RFX3: variants seen among roughly 807,000 people sequenced by gnomAD.
RFX3 encodes regulatory factor X3, also known as transcription factor RFX3.
In RFX3, 14 loss-of-function variants were observed where a neutral mutation model predicts 98.6. The ratio of observed to expected loss-of-function variants is 0.14; its 90% CI spans 0.09 to 0.22. The LOEUF (loss-of-function observed/expected upper bound fraction) is 0.22, where lower values mean the gene tolerates loss of function less well. RFX3 is among the 10% of genes least tolerant of loss of function. The probability of loss-of-function intolerance (pLI) is 1.00; values close to 1 mark genes in which losing one functional copy is unlikely to be tolerated. For missense variants in RFX3, 639 were observed against 926.9 expected (o/e 0.69, Z 4.03); for synonymous variants, 383 against 328.4 (o/e 1.17, Z -1.80).
chr9:3,503,222 C>T (rs1205249329), intron 1 of RFX3, among the ~76,000 whole-genome samples: 2 of 152,034 alleles, frequency 1.3e-5, no homozygotes, highest in Admixed American at 6.6e-5. Flanking sequence ...AATGCCTGGG[C>T]ATATTTGCAA....
chr9:3,472,092 T>C (rs1056020409), intron 1 of RFX3, among the ~76,000 whole-genome samples: 1 of 152,212 alleles, frequency 6.6e-6, no homozygotes, highest in Non-Finnish European at 1.5e-5. Context: ...AAAAATAAAA[T>C]ATAATCTTAG....
chr9:3,242,993 A>T (rs1298923505), intron 15 of RFX3, among the ~76,000 whole-genome samples: 1 of 151,952 alleles, frequency 6.6e-6, no homozygotes, highest in Non-Finnish European at 1.5e-5. Flanking sequence ...TTTATGAAGC[A>T]ATCAAAATTT....
At chr9:3,389,413 A>C (rs1214301689) in intron 2 of RFX3, among the ~76,000 whole-genome samples, 2 of 152,144 alleles carry the variant, frequency 1.3e-5, no homozygotes, top group African/African-American at 4.8e-5. Context: ...TAGGATGGGT[A>C]ATATCAAAAT....
At chr9:3,396,154 A>G (rs1282312376) in intron 1 of RFX3, among the ~76,000 whole-genome samples, 1 of 151,754 alleles carries the variant, frequency 6.6e-6, no homozygotes, top group Non-Finnish European at 1.5e-5. Flanking sequence ...TCGTCATTTA[A>G]CATTAGGTAT....
intron 2 of RFX3, among the ~76,000 whole-genome samples, 173 bp downstream of exon 2, chr9:3,395,299 G>C (rs954709391): frequency 2.0e-5 from 3 of 152,184 alleles, no homozygotes; most frequent in Non-Finnish European, 2.9e-5. Context: ...AGCACAGAAA[G>C]AACCTGGCAC....
chr9:3,459,859 T>C (rs1427620616), intron 1 of RFX3, among the ~76,000 whole-genome samples: 2 of 152,082 alleles, frequency 1.3e-5, no homozygotes, highest in Non-Finnish European at 2.9e-5. Context: ...ATAACTCTAA[T>C]ACAATTTCAT....
intron 2 of RFX3, among the ~76,000 whole-genome samples, chr9:3,352,348 T>C (rs1025715905): frequency 2.0e-5 from 3 of 151,982 alleles, no homozygotes; most frequent in African/African-American, 7.2e-5. Flanking sequence ...CTTCTAAAAA[T>C]GGTAACTCTG....
intron 1 of RFX3, among the ~76,000 whole-genome samples, chr9:3,492,061 A>G (rs922332608): frequency 2.6e-5 from 4 of 152,184 alleles, no homozygotes; most frequent in African/African-American, 9.6e-5. Flanking sequence ...TATTCAAAAT[A>G]TCTACTCTGC....
At chr9:3,363,451 G>A (rs564722415) in intron 2 of RFX3, among the ~76,000 whole-genome samples, 1 of 152,094 alleles carries the variant, frequency 6.6e-6, no homozygotes, top group Non-Finnish European at 1.5e-5. Context: ...ATTTACAGGA[G>A]AGTTAAATAA....
At chr9:3,340,890 C>A (rs1245109778) in intron 3 of RFX3, among the ~76,000 whole-genome samples, 1 of 152,160 alleles carries the variant, frequency 6.6e-6, no homozygotes, top group African/African-American at 2.4e-5. Context: ...TTGACCCAGC[C>A]ATCCCATTAC....
chr9:3,325,463 T>C (rs1018307714), intron 4 of RFX3, among the ~76,000 whole-genome samples: 6 of 152,102 alleles, frequency 3.9e-5, no homozygotes, highest in Admixed American at 6.5e-5. Flanking sequence ...TTTCAAGATA[T>C]TTTTCTTGTG....
At chr9:3,350,107 A>C (rs1834932104) in intron 2 of RFX3, among the ~76,000 whole-genome samples, 1 of 152,146 alleles carries the variant, frequency 6.6e-6, no homozygotes, top group South Asian at 2.1e-4. Flanking sequence ...TCATGGAACA[A>C]ATAATTCACA....
chr9:3,252,097 C>G (rs907387478), intron 14 of RFX3, among the ~76,000 whole-genome samples: 1 of 151,038 alleles, frequency 6.6e-6, no homozygotes, highest in Non-Finnish European at 1.5e-5. Flanking sequence ...ATCCGCCCAC[C>G]TCGGCCTTCT....
intron 4 of RFX3, among the ~76,000 whole-genome samples, chr9:3,310,215 AT>A (rs774793696): frequency 2.0e-5 from 3 of 152,216 alleles, no homozygotes; most frequent in Non-Finnish European, 4.4e-5. Context: ...CTTTTGTATG[AT>A]TTACATGGAA....
At position 3,464,439 on chromosome 9, in the gene RFX3, A is replaced by G. The variant is rs146320143; in HGVS notation, c.-9+61308T>C. On this transcript the variant is annotated intron_variant, in intron 1 of 16. Coordinates refer to ENST00000617270, the MANE Select transcript of RFX3 (RefSeq NM_001282116.2). ...CCAAATTGCGGTATAGCCACACAGT[A>G]AACTACCACTCAGCAATAAAAAGGA... is the stretch of plus-strand genomic sequence containing the variant. Among the ~76,000 whole-genome samples, 127 of 152,356 alleles carry G rather than the reference A, an allele frequency of 8.3e-4. 1 individual carries two copies. The highest frequency in any genetic ancestry group is 2.4e-3 in the African/African-American group (99 of 41,584).
chr9:3,359,990 T>C (rs757051098), intron 2 of RFX3, among the ~76,000 whole-genome samples: 1 of 152,140 alleles, frequency 6.6e-6, no homozygotes, highest in Non-Finnish European at 1.5e-5. Context: ...TGCCATTATC[T>C]TAGTGCAGGA....
chr9:3,222,105 T>G lies in RFX3; in HGVS notation c.*2937A>C, dbSNP rs1817368283. The G allele has an allele frequency of 6.6e-6, 1 of 152,200 alleles. No homozygotes were observed. The highest frequency in any genetic ancestry group is 2.4e-5 in the African/African-American group (1 of 41,470). 9.4% of individuals were successfully genotyped at this position (152,200 alleles called of 1,614,324 possible). ...ATTTGCTCAAATGTATAAATTGTTT[T>G]TATTTTCTTATATATTTTTCACAAT... On this transcript the variant is annotated 3_prime_UTR_variant, in exon 17 of 17. Transcript: ENST00000617270.
At chr9:3,248,230 A>G in intron 14 of RFX3, 45 bp from the exon 15 acceptor site, 1 of 1,538,668 alleles carries the variant, frequency 6.5e-7, no homozygotes, top group Non-Finnish European at 8.7e-7. Flanking sequence ...ATTAGTGACA[A>G]GAATTAGCAT....
At chr9:3,428,421 G>A (rs1286733913) in intron 1 of RFX3, among the ~76,000 whole-genome samples, 2 of 152,090 alleles carry the variant, frequency 1.3e-5, no homozygotes, top group Non-Finnish European at 2.9e-5. Flanking sequence ...AATATCACAA[G>A]TTTTGTAGAG....
Sources: gnomAD v4.1 joint callset for allele counts (sites outside exome capture counted in the v4.1 genomes callset) on GRCh38, gnomAD v4.1.1 for gene constraint, MANE v1.5 for transcripts, NCBI Gene and HGNC (gene_info 2026-07-23, HGNC 2026-07-21) for gene names.